Variants in DCP2 observed in about 807,000 individuals in gnomAD.
DCP2 encodes decapping mRNA 2.
DCP2 carries 30 observed loss-of-function variants against 56.1 expected under a neutral mutation model. That is an observed-to-expected ratio of 0.53 (90% CI 0.40 to 0.73). The LOEUF is 0.73. Among genes scored for constraint, DCP2 ranks in the 30% least tolerant of loss-of-function variants. The pLI is 0.00. For missense variants in DCP2, 533 were observed against 502.7 expected (o/e 1.06, Z -0.58); for synonymous variants, 197 against 163.3 (o/e 1.21, Z -1.57).
At chr5:113,004,413 A>G (rs778750514) in intron 8 of DCP2, among the ~76,000 whole-genome samples, 16 of 152,260 alleles carry the variant, frequency 1.1e-4, no homozygotes, top group African/African-American at 3.9e-4. Flanking sequence ...GTAACAGCGT[A>G]TTGTAAACTT....
chr5:113,002,708 G>C (rs892510535), intron 7 of DCP2, among the ~76,000 whole-genome samples: 9 of 151,788 alleles, frequency 5.9e-5, no homozygotes, highest in Non-Finnish European at 8.8e-5. Flanking sequence ...TTTTTGTAGA[G>C]ATGGGGCTCT....
At chr5:113,006,348 TAA>T (rs1409081469) in intron 8 of DCP2, among the ~76,000 whole-genome samples, 1 of 152,060 alleles carries the variant, frequency 6.6e-6, no homozygotes, top group Non-Finnish European at 1.5e-5. Flanking sequence ...TTTGGGATGA[TAA>T]AAGTTGGGGA....
chr5:112,991,610 C>T (rs1054457779), intron 2 of DCP2, among the ~76,000 whole-genome samples: 1 of 152,180 alleles, frequency 6.6e-6, no homozygotes, highest in Non-Finnish European at 1.5e-5. Flanking sequence ...ACTTCTCCTT[C>T]CCAGAATTAA....
intron 8 of DCP2, among the ~76,000 whole-genome samples, chr5:113,007,396 CTTTCTTTT>C (rs770583709): frequency 2.1e-5 from 3 of 143,470 alleles, no homozygotes; most frequent in Non-Finnish European, 4.6e-5. Context: ...TTCTTTCTTT[CTTTCTTTT>C]TTTTTTTTTT....
intron 3 of DCP2, 42 bp downstream of exon 3, chr5:112,992,290 G>A (rs200645627): frequency 2.3e-5 from 37 of 1,575,620 alleles, no homozygotes; most frequent in Admixed American, 9.8e-5. Context: ...AATGGTGATC[G>A]TTAATCTGTT....
At chr5:112,983,565 T>G (rs1748110148) in intron 1 of DCP2, among the ~76,000 whole-genome samples, 1 of 152,152 alleles carries the variant, frequency 6.6e-6, no homozygotes, top group East Asian at 1.9e-4. Context: ...TACGAGACCT[T>G]TCAGCACTGA....
intron 4 of DCP2, 124 bp downstream of exon 4, chr5:112,992,894 T>G (rs1430159169): frequency 2.5e-5 from 12 of 485,906 alleles, no homozygotes; most frequent in Non-Finnish European, 3.6e-5. Flanking sequence ...GTGCATGAAG[T>G]AACTTACTTT....
At chr5:113,007,697 G>T (rs1047431722) in intron 8 of DCP2, among the ~76,000 whole-genome samples, 1 of 152,110 alleles carries the variant, frequency 6.6e-6, no homozygotes, top group Non-Finnish European at 1.5e-5. Context: ...GCGCCCGGCC[G>T]AGGTGTGGAA....
intron 1 of DCP2, among the ~76,000 whole-genome samples, chr5:112,980,163 TTAAAC>T (rs776319347): frequency 3.3e-5 from 5 of 152,356 alleles, no homozygotes; most frequent in South Asian, 2.1e-4. Flanking sequence ...TCAGTACTGT[TTAAAC>T]TAGCTTATTA....
rs1304927282 is a variant in DCP2, at chr5:113,017,695, A to G, written c.*4211A>G. 1 of 152,188 alleles carries G rather than the reference A, an allele frequency of 6.6e-6. No individual in the cohort carries two copies. The highest frequency in any genetic ancestry group is 1.5e-5 in the Non-Finnish European group (1 of 68,032). The allele number at this position is 152,188 out of a possible 1,614,324, so 9.4% of individuals were successfully genotyped here. Reference sequence around the variant, plus strand: ...GTGTCCTGAAGGGAGAAGAATAGCTATAGTTGCTGGGCAAAGAGTGTAAGA... The same window carrying G: ...GTGTCCTGAAGGGAGAAGAATAGCTGTAGTTGCTGGGCAAAGAGTGTAAGA... On this transcript the variant is annotated 3_prime_UTR_variant, in exon 11 of 11. Coordinates refer to ENST00000389063, the MANE Select transcript of DCP2 (RefSeq NM_152624.6).
chr5:113,008,775 G>T (rs1749552956), intron 9 of DCP2, among the ~76,000 whole-genome samples: 2 of 152,036 alleles, frequency 1.3e-5, no homozygotes, highest in Non-Finnish European at 2.9e-5. Flanking sequence ...GAACAGAGAA[G>T]ACAATCTTAG....
At chr5:113,008,282 A>T (rs539421667) in intron 9 of DCP2, 14 of 369,130 alleles carry the variant, frequency 3.8e-5, no homozygotes, top group African/African-American at 2.8e-4. Context: ...GTTTATTTTA[A>T]TATCAATGTG....
At chr5:112,992,319 T>G in intron 3 of DCP2, 71 bp downstream of exon 3, 4 of 1,539,044 alleles carry the variant, frequency 2.6e-6, no homozygotes, top group Non-Finnish European at 3.5e-6. Context: ...TTGTTATTGA[T>G]GTAGTGTTTC....
chr5:112,979,802 G>A (rs1450309050), intron 1 of DCP2, among the ~76,000 whole-genome samples: 1 of 152,164 alleles, frequency 6.6e-6, no homozygotes, highest in African/African-American at 2.4e-5. Context: ...TAAACTGAGG[G>A]AAAATATTTG....
intron 4 of DCP2, among the ~76,000 whole-genome samples, chr5:112,993,630 A>G (rs1428101309): frequency 7.0e-6 from 1 of 142,682 alleles, no homozygotes; most frequent in Non-Finnish European, 1.5e-5. Context: ...ATCTCAAAAA[A>G]AAAAAAAAAC....
chr5:113,001,772 C>T (rs1256087084), intron 7 of DCP2, 98 bp downstream of exon 7: 3 of 1,093,254 alleles, frequency 2.7e-6, no homozygotes, highest in Non-Finnish European at 2.7e-6. Context: ...TGTAAGATTT[C>T]TTTTTATAGA....
rs987503210 is a variant in DCP2 at position 113,007,945 on chromosome 5, G to A, written c.950G>A (p.Ser317Asn). The change falls in exon 9 of 11, where the codon AGT (serine) becomes AAT (asparagine). Residue 317 changes from serine (S) to asparagine (N), a missense_variant. By Grantham distance (46) the Ser-to-Asn change is conservative. This residue lies in a region of DCP2 where 392 missense variants were observed against 346.6 expected (regional missense o/e 1.13). Coordinates refer to ENST00000389063, the MANE Select transcript of DCP2 (RefSeq NM_152624.6). ...MSDLLKGKNQ[S>N]MRGNGRKQYQ... ...TTCTTTTTGGGAAAACAGAATCAAA[G>A]TATGAGGGGAAATGGCAGAAAACAG... is the stretch of plus-strand genomic sequence containing the variant. 6 of 1,613,234 alleles carry A rather than the reference G, an allele frequency of 3.7e-6. No individual in the cohort carries two copies. In the African/African-American group the frequency reaches 5.3e-5, roughly 14 times the overall value.
intron 4 of DCP2, 98 bp downstream of exon 4, chr5:112,992,868 C>A: frequency 1.2e-6 from 1 of 819,068 alleles, no homozygotes. Context: ...CTGTCTTAAC[C>A]CTTTCCAGAA....
chr5:113,006,235 C>T (rs563646370), intron 8 of DCP2, among the ~76,000 whole-genome samples: 8 of 152,086 alleles, frequency 5.3e-5, no homozygotes, highest in African/African-American at 1.9e-4. Context: ...TAATGTTATT[C>T]CATTCCTAAA....
Sources: gnomAD v4.1 joint callset for allele counts (sites outside exome capture counted in the v4.1 genomes callset) on GRCh38, gnomAD v4.1.1 for gene constraint, gnomAD v4.1.1 regional missense constraint, MANE v1.5 for transcripts, NCBI Gene and HGNC (gene_info 2026-07-23, HGNC 2026-07-21) for gene names.